The following PITRM1 variants were observed in gnomAD, a reference collection of about 807,000 sequenced individuals.
The protein encoded by PITRM1 is pitrilysin metallopeptidase 1.
In PITRM1, 100 loss-of-function variants were observed where a neutral mutation model predicts 129.9. The observed-to-expected ratio is 0.77, with a 90% CI of 0.65 to 0.91. The LOEUF (loss-of-function observed/expected upper bound fraction) is 0.91, where lower values mean the gene tolerates loss of function less well. PITRM1 is among the 40% of genes least tolerant of loss of function. The pLI is 0.00. For missense variants in PITRM1, 1,471 were observed against 1,318.3 expected, an observed-to-expected ratio of 1.12 and a Z score of -1.79; for synonymous variants, 591 against 508.8, an observed-to-expected ratio of 1.16 and a Z score of -2.17.
rs781208057 is a variant in PITRM1, at chr10:3,163,910, A to ATAAG, written c.631-29_631-26dup. ...TCTTGAAACGTAAAATAAATAAATC[A>ATAAG]TAAGTATACATGTAAAATAATACAC... On this transcript the variant is annotated intron_variant, in intron 6 of 26. Transcript: ENST00000224949. 3.3e-6 allele frequency: 5 copies of ATAAG among 1,527,386 alleles called. No homozygotes were observed. In the African/African-American group the frequency reaches 5.5e-5, roughly 17 times the overall value. The allele number at this position is 1,527,386 out of a possible 1,614,324, so 94.6% of individuals were successfully genotyped here. A position where few individuals can be genotyped will look rare whatever the true frequency, so the allele number is the denominator to read the frequency against.
intron 24 of PITRM1, among the ~76,000 whole-genome samples, chr10:3,140,337 G>C (rs1189797008): frequency 2.0e-5 from 3 of 152,172 alleles, no homozygotes; most frequent in Non-Finnish European, 4.4e-5. Context: ...CTTAGGAAGT[G>C]TTTATGTCTG....
chr10:3,170,132 T>C lies in PITRM1; in HGVS notation c.131A>G (p.Asp44Gly), dbSNP rs371671282. ...CERALQYKLGDKIHGFTVNQV... is the reference protein window; with the variant it reads ...CERALQYKLGGKIHGFTVNQV... ...GTTTACGGTGAATCCATGGATCTTG[T>C]CTCCTAGTTTATACTGCAGAGCCCT... The change falls in exon 2 of 27, where the codon GAC becomes GGC. Residue 44 changes from aspartate (D) to glycine (G), a missense_variant. Asp to Gly is a moderately conservative substitution (Grantham distance 94). Transcript: ENST00000224949. The C allele has an allele frequency of 3.7e-6, 6 of 1,613,670 alleles. No homozygotes were observed. The highest frequency in any genetic ancestry group is 1.3e-5 in the African/African-American group (1 of 74,914).
chr10:3,138,000 G>T lies in PITRM1; in HGVS notation c.*31C>A, dbSNP rs191177337. 1.2e-5 allele frequency: 16 copies of T among 1,291,408 alleles called. No homozygotes were observed. The East Asian group carries it at 3.6e-4, about 29-fold the overall frequency. 80.0% of individuals were successfully genotyped at this position (1,291,408 alleles called of 1,614,324 possible). A position where few individuals can be genotyped will look rare whatever the true frequency, so the allele number is the denominator to read the frequency against. On this transcript the variant is annotated 3_prime_UTR_variant, in exon 27 of 27. Transcript: ENST00000224949. ...ATTCAGCTCGGAGGTGTATTGTCTC[G>T]GGCTCCTGTGCAGTCGAGCGCCACG...
At chr10:3,164,038 A>AAAC in intron 6 of PITRM1, 153 bp from the exon 7 acceptor site, 1 of 415,808 alleles carries the variant, frequency 2.4e-6, no homozygotes, top group Non-Finnish European at 4.2e-6. Flanking sequence ...AAAAAAAAAA[A>AAAC]ACACCCACGC....
At chr10:3,167,824 T>TA (rs1842999746) in intron 2 of PITRM1, 1 of 151,938 alleles carries the variant, frequency 6.6e-6, no homozygotes, top group Admixed American at 6.6e-5. Flanking sequence ...TTGCTTCTCT[T>TA]AGTTTAGGAT....
chr10:3,138,003 C>A lies in PITRM1; in HGVS notation c.*28G>T, dbSNP rs1839715000. 7.4e-7 allele frequency: 1 copy of A among 1,358,236 alleles called. No individual in the cohort carries two copies. Among genetic ancestry groups the A allele is most frequent in the African/African-American group, 1.4e-5 (1 of 69,786 alleles). The allele number at this position is 1,358,236 out of a possible 1,614,324, so 84.1% of individuals were successfully genotyped here. ...CAGCTCGGAGGTGTATTGTCTCGGG[C>A]TCCTGTGCAGTCGAGCGCCACGGCT... On this transcript the variant is annotated 3_prime_UTR_variant, in exon 27 of 27. Coordinates refer to ENST00000224949, the MANE Select transcript of PITRM1 (RefSeq NM_014889.4).
chr10:3,146,988 C>T, intron 20 of PITRM1, 162 bp downstream of exon 20: 1 of 481,922 alleles, frequency 2.1e-6, no homozygotes, highest in Non-Finnish European at 3.7e-6. Flanking sequence ...TTTTAATAGG[C>T]TTAAAATATT....
At position 3,138,318 on chromosome 10, in the gene PITRM1, G is replaced by T; in HGVS notation, c.2937C>A (p.Tyr979Ter). ...CCTGCTTCATCTCATCCGAGAGGCCGTACAAGAAGTGGTCCATTCCTAGAA... is the reference window on the plus strand; with the variant it reads ...CCTGCTTCATCTCATCCGAGAGGCCTTACAAGAAGTGGTCCATTCCTAGAA... ...PSDKGMDHFL[Y>*]GLSDEMKQAH... Residue 979 changes from tyrosine (Y) to a stop codon, truncating the protein, a stop_gained, in exon 26 of 27, where the codon TAC becomes TAA. Coordinates refer to ENST00000224949, the MANE Select transcript of PITRM1 (RefSeq NM_014889.4). LOFTEE classifies it high-confidence loss of function. The T allele has an allele frequency of 6.2e-7, 1 of 1,612,830 alleles. No homozygotes were observed. The highest frequency in any genetic ancestry group is 8.5e-7 in the Non-Finnish European group (1 of 1,178,960).
At chr10:3,155,533 A>G (rs1841901969) in intron 14 of PITRM1, 58 bp downstream of exon 14, 2 of 1,599,436 alleles carry the variant, frequency 1.3e-6, no homozygotes, top group South Asian at 2.2e-5. Context: ...CTCACTAACA[A>G]GTCCACTAGG....
In PITRM1 at chr10:3,157,078, T is replaced by G. The variant is rs1157032011; in HGVS notation, c.1348-14A>C. 6.3e-7 allele frequency: 1 copy of G among 1,598,830 alleles called. No individual in the cohort carries two copies. The highest frequency in any genetic ancestry group is 2.3e-5 in the East Asian group (1 of 44,188). ...AGAAGCTATGTACTGGAAGGAAGATTTCCACATCCACAATGCAGCTGGTAC... is the reference window on the plus strand; with the variant it reads ...AGAAGCTATGTACTGGAAGGAAGATGTCCACATCCACAATGCAGCTGGTAC... On this transcript the variant is annotated splice_polypyrimidine_tract_variant and intron_variant, in intron 12 of 26. Coordinates refer to ENST00000224949, the MANE Select transcript of PITRM1 (RefSeq NM_014889.4).
chr10:3,153,973 T>C (rs550112594), intron 14 of PITRM1, among the ~76,000 whole-genome samples: 1 of 152,346 alleles, frequency 6.6e-6, no homozygotes, highest in East Asian at 1.9e-4. Context: ...TGTGGCAAGC[T>C]ATGAAGCCAC....
intron 12 of PITRM1, 141 bp downstream of exon 12, chr10:3,157,294 A>G (rs1475432134): frequency 3.1e-6 from 2 of 638,416 alleles, no homozygotes; most frequent in Admixed American, 3.6e-5. Context: ...TTTAGGAAAT[A>G]ACCAACAGAT....
At position 3,159,087 on chromosome 10, in the gene PITRM1, G is replaced by A. The variant is rs1166844907; in HGVS notation, c.1008-45C>T. The A allele has an allele frequency of 1.7e-5, 26 of 1,554,000 alleles. No individual in the cohort carries two copies. In the Admixed American group the frequency reaches 4.8e-4, roughly 29 times the overall value. ...AACGGGGAGGTAAGAAAAGAGTAAA[G>A]GGAAAATTACTGGCCCTTATGCACA... On this transcript the variant is annotated intron_variant, in intron 9 of 26. Transcript: ENST00000224949.
At position 3,144,327 on chromosome 10, in the gene PITRM1, G is replaced by A; in HGVS notation, c.2497C>T (p.Pro833Ser). ...TTCCTAATGACCTGGGAGCCATGGG[G>A]AACGTGGGCATCTCCACCAGAGCTG... ...PSSSGGDAHV[P>S]HGSQVIRKLV... Residue 833 changes from proline to serine, a missense_variant, in exon 22 of 27, where the codon CCC becomes TCC. Coordinates refer to ENST00000224949, the MANE Select transcript of PITRM1 (RefSeq NM_014889.4). 6.4e-7 allele frequency: 1 copy of A among 1,563,064 alleles called. No individual in the cohort carries two copies. Among genetic ancestry groups the A allele is most frequent in the Non-Finnish European group, 8.7e-7 (1 of 1,152,414 alleles).
At chr10:3,167,319 G>A (rs973765933) in intron 2 of PITRM1, among the ~76,000 whole-genome samples, 7 of 152,236 alleles carry the variant, frequency 4.6e-5, no homozygotes, top group Admixed American at 2.0e-4. Flanking sequence ...GAGCGCACGC[G>A]CTTACTACTG....
chr10:3,170,107 G>C lies in PITRM1; in HGVS notation c.156C>G (p.Asn52Lys). The C allele has an allele frequency of 6.2e-7, 1 of 1,611,196 alleles. No individual in the cohort carries two copies. The highest frequency in any genetic ancestry group is 8.5e-7 in the Non-Finnish European group (1 of 1,177,358). The change falls in exon 2 of 27, where the codon AAC becomes AAG. Residue 52 changes from asparagine to lysine, a missense_variant. Physicochemically the swap from Asn to Lys is moderately conservative, Grantham distance 94. Transcript: ENST00000224949. ...AGGTGCCGAGGACGACCCATACCTG[G>C]TTTACGGTGAATCCATGGATCTTGT... is the stretch of plus-strand genomic sequence containing the variant. ...LGDKIHGFTV[N>K]QVTSVPELFL...
chr10:3,172,464 C>T (rs1381179716), intron 1 of PITRM1, among the ~76,000 whole-genome samples: 1 of 152,224 alleles, frequency 6.6e-6, no homozygotes, highest in Non-Finnish European at 1.5e-5. Context: ...AGGGCCCCGC[C>T]GGGAGCGCCG....
At chr10:3,145,153 A>G (rs142992290) in intron 21 of PITRM1, 255 of 164,838 alleles carry the variant, frequency 1.5e-3, no homozygotes, top group Non-Finnish European at 2.6e-3. Flanking sequence ...CGGCTTCTCT[A>G]CTGACATCCA....
At chr10:3,153,484 T>C (rs1841696510) in intron 14 of PITRM1, among the ~76,000 whole-genome samples, 1 of 151,966 alleles carries the variant, frequency 6.6e-6, no homozygotes, top group African/African-American at 2.4e-5. Context: ...CTGGGCGTGG[T>C]GGTGGGCATC....
Sources: allele counts gnomAD v4.1 joint callset (sites outside exome capture counted in the v4.1 genomes callset), GRCh38; gene constraint gnomAD v4.1.1; transcripts MANE v1.5; gene names NCBI Gene and HGNC (gene_info 2026-07-23, HGNC 2026-07-21).